The following CHCHD3 variants were observed in gnomAD, a reference collection of about 807,000 sequenced individuals.
CHCHD3 encodes MICOS complex subunit MIC19.
In CHCHD3, 20 loss-of-function variants were observed where a neutral mutation model predicts 38.2. The observed-to-expected ratio is 0.52, with a 90% CI of 0.37 to 0.76. CHCHD3 has a LOEUF of 0.76. Among genes scored for constraint, CHCHD3 ranks in the 30% least tolerant of loss-of-function variants. CHCHD3 has a pLI of 0.00. For synonymous variants in CHCHD3, 82 were observed against 100.0 expected, an observed-to-expected ratio of 0.82 and a Z score of 1.07; for missense variants, 245 against 279.2, an observed-to-expected ratio of 0.88 and a Z score of 0.87.
intron 6 of CHCHD3, among the ~76,000 whole-genome samples, chr7:132,806,015 G>A (rs1806911198): frequency 6.6e-6 from 1 of 152,216 alleles, no homozygotes; most frequent in African/African-American, 2.4e-5. Flanking sequence ...TGCCCTGCAA[G>A]ATGTGGTGGG....
intron 3 of CHCHD3, among the ~76,000 whole-genome samples, chr7:132,977,437 T>C (rs1811795949): frequency 6.6e-6 from 1 of 152,180 alleles, no homozygotes; most frequent in Admixed American, 6.5e-5. Flanking sequence ...ACATCAAAAA[T>C]GAAGTGCTCC....
chr7:133,038,048 T>C (rs937305203), intron 2 of CHCHD3, among the ~76,000 whole-genome samples: 8 of 152,184 alleles, frequency 5.3e-5, no homozygotes, highest in Non-Finnish European at 7.4e-5. Flanking sequence ...GAACATTACA[T>C]AGTATATCAG....
chr7:132,852,904 A>G (rs924917926), intron 5 of CHCHD3, among the ~76,000 whole-genome samples: 6 of 152,240 alleles, frequency 3.9e-5, no homozygotes, highest in Non-Finnish European at 8.8e-5. Flanking sequence ...AGAGGCCAAC[A>G]TAAATAATTC....
chr7:133,017,178 C>T lies in CHCHD3; in HGVS notation c.251+7368G>A, dbSNP rs115988826. ...AGCTTTAACCAGACAGCACTTAAAT[C>T]AGCTTTACTTTGGGTTCCATGTTGC... On this transcript the variant is annotated intron_variant, in intron 3 of 7. Coordinates refer to ENST00000262570, the MANE Select transcript of CHCHD3 (RefSeq NM_017812.4). Among the ~76,000 whole-genome samples, 648 of 152,274 alleles carry T rather than the reference C, an allele frequency of 4.3e-3. 3 individuals are homozygous for T. The highest frequency in any genetic ancestry group is 0.014 in the African/African-American group (577 of 41,550).
intron 5 of CHCHD3, among the ~76,000 whole-genome samples, chr7:132,847,837 G>T (rs1028354644): frequency 2.0e-5 from 3 of 152,158 alleles, no homozygotes; most frequent in Non-Finnish European, 1.5e-5. Flanking sequence ...ACAAATCAAA[G>T]AGGTCATAAG....
intron 4 of CHCHD3, among the ~76,000 whole-genome samples, chr7:132,952,548 G>C (rs1410797806): frequency 6.6e-6 from 1 of 152,238 alleles, no homozygotes; most frequent in Non-Finnish European, 1.5e-5. Context: ...CTAATATCAA[G>C]CCTGAGTTAT....
Position 133,035,357 on chromosome 7 carries a change from GT to G in CHCHD3, c.170-10731del. 6.2e-7 allele frequency: 1 copy of G among 1,611,922 alleles called. No individual in the cohort carries two copies. The highest frequency in any genetic ancestry group is 8.5e-7 in the Non-Finnish European group (1 of 1,178,018). On this transcript the variant is annotated intron_variant, in intron 2 of 7. Transcript: ENST00000262570. The surrounding 1 kb of genome is among the most constrained non-coding windows in gnomAD (Gnocchi z 4.7). ...GGTTAATGCAGGTGAGGAACCAGCG[GT>G]TGGTATTGCGAAAGGCCCGGCGGAA...
At chr7:132,844,535 G>A (rs1486152261) in intron 5 of CHCHD3, among the ~76,000 whole-genome samples, 1 of 152,204 alleles carries the variant, frequency 6.6e-6, no homozygotes, top group Non-Finnish European at 1.5e-5. Context: ...TACGGTTAAT[G>A]TAAATTTGTG....
intron 4 of CHCHD3, among the ~76,000 whole-genome samples, chr7:132,952,472 A>G (rs562091616): frequency 6.6e-6 from 1 of 152,348 alleles, no homozygotes; most frequent in Non-Finnish European, 1.5e-5. Context: ...TACAGATTTC[A>G]TAAGAGCCAG....
intron 4 of CHCHD3, among the ~76,000 whole-genome samples, chr7:132,954,091 G>C (rs1732541241): frequency 1.3e-5 from 2 of 152,160 alleles, no homozygotes; most frequent in Admixed American, 1.3e-4. Flanking sequence ...GTGGTAGAAA[G>C]CAGGGGAGGA....
chr7:133,052,030 T>C (rs539674732), intron 2 of CHCHD3: 1 of 152,346 alleles, frequency 6.6e-6, no homozygotes, highest in African/African-American at 2.4e-5. Context: ...TAGAAGTATT[T>C]CTAGTCAGCA....
chr7:132,786,870 T>C (rs1252923163), intron 7 of CHCHD3, among the ~76,000 whole-genome samples: 1 of 152,264 alleles, frequency 6.6e-6, no homozygotes, highest in Non-Finnish European at 1.5e-5. Flanking sequence ...AACCAAATAG[T>C]ATCTGGTAGA....
At chr7:132,805,239 C>T (rs764901680) in intron 6 of CHCHD3, among the ~76,000 whole-genome samples, 2 of 151,418 alleles carry the variant, frequency 1.3e-5, no homozygotes, top group Non-Finnish European at 2.9e-5. Flanking sequence ...ACAAGGCAAC[C>T]GAAGTGTCAA....
chr7:132,909,645 T>C (rs1192631281), intron 4 of CHCHD3, among the ~76,000 whole-genome samples: 1 of 152,176 alleles, frequency 6.6e-6, no homozygotes, highest in East Asian at 1.9e-4. Flanking sequence ...AACTTCACAG[T>C]GGAGCACAAT....
Position 133,035,820 on chromosome 7 carries a change from G to A in CHCHD3, c.170-11193C>T. The stretch of plus-strand genomic sequence containing the variant: ...TTGGCCAAAATGGAAGTGGGGTGGT[G>A]CGGAGAGCACGCGGATCTGAGCCCC... On this transcript the variant is annotated intron_variant, in intron 2 of 7. Coordinates refer to ENST00000262570, the MANE Select transcript of CHCHD3 (RefSeq NM_017812.4). The surrounding 1 kb of genome is among the most constrained non-coding windows in gnomAD (Gnocchi z 4.7). The A allele has an allele frequency of 6.2e-7, 1 of 1,613,058 alleles. No individual in the cohort carries two copies. The highest frequency in any genetic ancestry group is 8.5e-7 in the Non-Finnish European group (1 of 1,179,082).
chr7:132,982,937 AT>A (rs1404183429), intron 3 of CHCHD3, among the ~76,000 whole-genome samples: 2 of 152,200 alleles, frequency 1.3e-5, no homozygotes, highest in Admixed American at 6.5e-5. Flanking sequence ...ATATAAATAA[AT>A]TTTTAAAGTA....
chr7:132,947,990 T>C (rs917294088), intron 4 of CHCHD3, among the ~76,000 whole-genome samples: 22 of 152,106 alleles, frequency 1.4e-4, no homozygotes, highest in African/African-American at 5.1e-4. Context: ...GACACAACCA[T>C]TGGGGGGAAA....
chr7:132,975,087 T>A, intron 4 of CHCHD3, 82 bp downstream of exon 4: 1 of 1,047,348 alleles, frequency 9.5e-7, no homozygotes, highest in Non-Finnish European at 1.5e-6. Flanking sequence ...CACTAAAAGC[T>A]GGCACAGAGT....
rs891930039 is a variant in CHCHD3, at chr7:132,838,288, C to G, written c.524+111G>C. Reference sequence around the variant, plus strand: ...CATCTCAACCACCCCAAAACTCTTCCAAGTATTCTAGAGTGCTATATAACA... The same window carrying G: ...CATCTCAACCACCCCAAAACTCTTCGAAGTATTCTAGAGTGCTATATAACA... On this transcript the variant is annotated intron_variant, in intron 6 of 7. Coordinates refer to ENST00000262570, the MANE Select transcript of CHCHD3 (RefSeq NM_017812.4). 15 of 650,816 alleles carry G rather than the reference C, an allele frequency of 2.3e-5. No individual in the cohort carries two copies. In the African/African-American group the frequency reaches 2.8e-4, roughly 12 times the overall value. 40.3% of individuals were successfully genotyped at this position (650,816 alleles called of 1,614,324 possible).
Sources: allele counts gnomAD v4.1 joint callset (sites outside exome capture counted in the v4.1 genomes callset), GRCh38; gene constraint gnomAD v4.1.1; non-coding constraint Gnocchi (gnomAD v3.1); transcripts MANE v1.5; gene names NCBI Gene and HGNC (gene_info 2026-07-23, HGNC 2026-07-21).